The following UGT1A6 variants were observed in gnomAD, a reference collection of about 807,000 sequenced individuals.
The protein encoded by UGT1A6 is UDP glucuronosyltransferase family 1 member A6.
UGT1A6 carries 32 observed loss-of-function variants against 44.4 expected under a neutral mutation model. That is an observed-to-expected ratio of 0.72 (90% confidence interval 0.54 to 0.97). The LOEUF (loss-of-function observed/expected upper bound fraction) is 0.97. Ranked by LOEUF, UGT1A6 falls within the 50% of genes least tolerant of loss-of-function variation. The pLI is 0.00. For synonymous variants in UGT1A6, 238 were observed against 248.5 expected (o/e 0.96, Z 0.40); for missense variants, 685 against 661.9 (o/e 1.03, Z -0.38).
chr2:233,692,672 T>C (rs1295423428), upstream of UGT1A6, among the ~76,000 whole-genome samples: 1 of 152,104 alleles, frequency 6.6e-6, no homozygotes, highest in Non-Finnish European at 1.5e-5. Flanking sequence ...GGATAGAGAA[T>C]TGGCAGGGGG....
At chr2:233,737,978 G>C (rs1166842032) in intron 1 of UGT1A6, among the ~76,000 whole-genome samples, 1 of 152,014 alleles carries the variant, frequency 6.6e-6, no homozygotes, top group East Asian at 1.9e-4. Context: ...ATTTAATATG[G>C]TTTGGCTCTG....
chr2:233,773,091 G>A lies in UGT1A6; in HGVS notation c.*532G>A, dbSNP rs1278315823. 2 of 162,100 alleles carry A rather than the reference G, an allele frequency of 1.2e-5. No homozygotes were observed. The highest frequency in any genetic ancestry group is 4.8e-5 in the African/African-American group (2 of 41,532). The allele number at this position is 162,100 out of a possible 1,614,324, so 10.0% of individuals were successfully genotyped here. ...ATGAATGAATGGCTTGGAGTGCACT[G>A]AGAACAGCATATGATTTCTTGCTTT... On this transcript the variant is annotated 3_prime_UTR_variant, in exon 5 of 5. Transcript: ENST00000305139.
rs141853649 is a variant in UGT1A6 at position 233,739,471 on chromosome 2, G to A, written c.862-27563G>A. ...CACAGGGTTGGAGCTGCCTGAGACCGTGGGAGCCCATTTCTGGCATCACCT... is the reference window on the plus strand; with the variant it reads ...CACAGGGTTGGAGCTGCCTGAGACCATGGGAGCCCATTTCTGGCATCACCT... On this transcript the variant is annotated intron_variant, in intron 1 of 4. Transcript: ENST00000305139. Among the ~76,000 whole-genome samples the A allele has an allele frequency of 2.4e-3, 366 of 152,340 alleles. 1 individual carries two copies. Among genetic ancestry groups the A allele is most frequent in the African/African-American group, 7.9e-3 (330 of 41,576 alleles).
intron 1 of UGT1A6, among the ~76,000 whole-genome samples, chr2:233,724,164 AC>A (rs1305793865): frequency 2.6e-4 from 26 of 101,282 alleles, no homozygotes; most frequent in African/African-American, 4.5e-4. Flanking sequence ...GGGGGGGCTG[AC>A]CCCCCCATCT....
At chr2:233,696,988 G>T (rs914918936) in intron 1 of UGT1A6, among the ~76,000 whole-genome samples, 5 of 152,034 alleles carry the variant, frequency 3.3e-5, no homozygotes, top group Non-Finnish European at 1.5e-5. Context: ...CTGGTGTTTC[G>T]TTGAGATTTT....
chr2:233,731,569 A>G (rs1225013175), intron 1 of UGT1A6, among the ~76,000 whole-genome samples: 1 of 152,190 alleles, frequency 6.6e-6, no homozygotes, highest in African/African-American at 2.4e-5. Context: ...TTTGCTGAGA[A>G]TGATGGTTTA....
At chr2:233,734,623 T>A (rs2078542439) in intron 1 of UGT1A6, among the ~76,000 whole-genome samples, 1 of 152,236 alleles carries the variant, frequency 6.6e-6, no homozygotes, top group African/African-American at 2.4e-5. Flanking sequence ...TGATTTTAGA[T>A]CTTTCCTGCT....
intron 1 of UGT1A6, among the ~76,000 whole-genome samples, chr2:233,731,010 G>A (rs17868337): frequency 0.016 from 2,364 of 152,256 alleles, 27 homozygotes; most frequent in Admixed American, 0.024. Flanking sequence ...CATGTACATC[G>A]TGAGAGAATC....
upstream of UGT1A6, among the ~76,000 whole-genome samples, chr2:233,692,638 A>G (rs1027065840): frequency 6.6e-6 from 1 of 152,230 alleles, no homozygotes; most frequent in African/African-American, 2.4e-5. Flanking sequence ...GACAACGTCA[A>G]TGATGAGGAA....
intron 1 of UGT1A6, chr2:233,713,397 G>C: frequency 6.2e-7 from 1 of 1,614,030 alleles, no homozygotes; most frequent in Non-Finnish European, 8.5e-7. Flanking sequence ...GCATAATGAG[G>C]CCCTGATCAG....
Position 233,748,090 on chromosome 2 carries a change from G to A in UGT1A6, c.862-18944G>A, listed in dbSNP as rs1277549661. 8.7e-6 allele frequency: 14 copies of A among 1,612,786 alleles called. No individual in the cohort carries two copies. The East Asian group carries it at 2.0e-4, about 23-fold the overall frequency. ...AAGCCACTATCTCAGGTCGGTGTTC[G>A]TGCCTTCATCCAATCAATGTTCCAG... On this transcript the variant is annotated intron_variant, in intron 1 of 4. Coordinates refer to ENST00000305139, the MANE Select transcript of UGT1A6 (RefSeq NM_001072.4).
rs2077866341 is a variant in UGT1A6 at position 233,729,479 on chromosome 2, A to T, written c.861+35614A>T. 5 of 1,614,240 alleles carry T rather than the reference A, an allele frequency of 3.1e-6. No homozygotes were observed. The East Asian group carries it at 1.1e-4, about 36-fold the overall frequency. On this transcript the variant is annotated intron_variant, in intron 1 of 4. Coordinates refer to ENST00000305139, the MANE Select transcript of UGT1A6 (RefSeq NM_001072.4). ...TTTTTCAGAAGTATGGCAATGTTGA[A>T]CAATATGTCTTTGGTCTATCATAGG...
At chr2:233,692,888 G>T, upstream of UGT1A6, 1 of 1,520,238 alleles carries the variant, frequency 6.6e-7, no homozygotes. Flanking sequence ...TCAGAGCAAG[G>T]GAGAGGTAGA....
intron 1 of UGT1A6, among the ~76,000 whole-genome samples, chr2:233,705,232 T>C (rs962910924): frequency 6.6e-6 from 1 of 152,258 alleles, no homozygotes; most frequent in African/African-American, 2.4e-5. Context: ...AGTGCTTTTT[T>C]TCTGTATGAA....
intron 1 of UGT1A6, chr2:233,718,914 T>A: frequency 6.2e-7 from 1 of 1,614,066 alleles, no homozygotes; most frequent in Non-Finnish European, 8.5e-7. Context: ...TGGAAAGGTG[T>A]TGGTGGTGCC....
intron 4 of UGT1A6, among the ~76,000 whole-genome samples, chr2:233,772,038 A>G (rs892272267): frequency 1.3e-5 from 2 of 152,202 alleles, no homozygotes; most frequent in African/African-American, 4.8e-5. Flanking sequence ...GCTTGAGCCC[A>G]GGAGTTGGAG....
Position 233,729,631 on chromosome 2 carries a change from A to G in UGT1A6, c.861+35766A>G, listed in dbSNP as rs141036072. The stretch of plus-strand genomic sequence containing the variant: ...GCTGGCTAAGTACCTGTCGATTCCT[A>G]CTGTGTTTTTTTTGAGGAACATTCC... On this transcript the variant is annotated intron_variant, in intron 1 of 4. Coordinates refer to ENST00000305139, the MANE Select transcript of UGT1A6 (RefSeq NM_001072.4). 1,000 of 1,613,764 alleles carry G rather than the reference A, an allele frequency of 6.2e-4. 4 individuals are homozygous for G. The highest frequency in any genetic ancestry group is 6.0e-4 in the Non-Finnish European group (708 of 1,179,854).
At chr2:233,730,797 T>G (rs45510999) in intron 1 of UGT1A6, among the ~76,000 whole-genome samples, 5,123 of 152,228 alleles carry the variant, frequency 0.034, 100 homozygotes, top group African/African-American at 0.051. Flanking sequence ...CAGTGATGAA[T>G]GGACATGCGT....
chr2:233,747,892 T>C, intron 1 of UGT1A6: 9 of 1,613,604 alleles, frequency 5.6e-6, no homozygotes, highest in Non-Finnish European at 6.8e-6. Flanking sequence ...TGCCATGCTC[T>C]TTCTGCTCCT....
Sources: allele counts gnomAD v4.1 joint callset (sites outside exome capture counted in the v4.1 genomes callset), GRCh38; gene constraint gnomAD v4.1.1; transcripts MANE v1.5; gene names NCBI Gene and HGNC (gene_info 2026-07-23, HGNC 2026-07-21).